Variants in C2CD5 observed in about 807,000 individuals in gnomAD.
C2CD5 encodes C2 calcium dependent domain containing 5.
A neutral mutation model predicts 130.3 loss-of-function variants in C2CD5; 109 were observed. The observed-to-expected ratio is 0.84, with a 90% CI of 0.72 to 0.98. The LOEUF (loss-of-function observed/expected upper bound fraction) is 0.98. Ranked by LOEUF, C2CD5 falls within the 50% of genes least tolerant of loss-of-function variation. The pLI is 0.00. For missense variants in C2CD5, 996 were observed against 1,261.8 expected (o/e 0.79, Z 3.19); for synonymous variants, 454 against 429.2 (o/e 1.06, Z -0.71).
At chr12:22,528,278 A>G (rs1186777631) in intron 3 of C2CD5, among the ~76,000 whole-genome samples, 3 of 152,218 alleles carry the variant, frequency 2.0e-5, no homozygotes, top group African/African-American at 7.2e-5. Flanking sequence ...GAGCACAATG[A>G]CACCACAATT....
intron 7 of C2CD5, among the ~76,000 whole-genome samples, chr12:22,518,560 T>C (rs1486106439): frequency 3.3e-5 from 5 of 152,092 alleles, no homozygotes; most frequent in Admixed American, 2.6e-4. Flanking sequence ...AAAAAAATGT[T>C]TCCTTATCCT....
chr12:22,477,736 T>C (rs1591763934), intron 15 of C2CD5, among the ~76,000 whole-genome samples: 2 of 152,266 alleles, frequency 1.3e-5, no homozygotes, highest in East Asian at 3.9e-4. Flanking sequence ...TGATACTTAT[T>C]GCAAAGTTGG....
In C2CD5 at chr12:22,458,498, C is replaced by A; in HGVS notation, c.2672G>T (p.Gly891Val). The part of the protein sequence containing the change: ...IKLKAQTIRR[G>V]SIKTTMTVEK... ...CATCCGCCTACTTGTCTTAATTGAT[C>A]CACGCCTTATGGTCTGAGCTTTCAG... The change falls in exon 24 of 27, where the codon GGA becomes GTA. Residue 891 changes from glycine to valine, a missense_variant. Physicochemically the swap from Gly to Val is moderately radical, Grantham distance 109 (BLOSUM62 -3). This residue lies in a region of C2CD5 where 590 missense variants were observed against 631.4 expected (regional missense o/e 0.93). Coordinates refer to ENST00000446597, the MANE Select transcript of C2CD5 (RefSeq NM_001286176.2). The A allele has an allele frequency of 7.8e-7, 1 of 1,274,318 alleles. No individual in the cohort carries two copies. The allele number at this position is 1,274,318 out of a possible 1,614,324, so 78.9% of individuals were successfully genotyped here.
chr12:22,512,560 G>T, intron 9 of C2CD5: 1 of 983,372 alleles, frequency 1.0e-6, no homozygotes, highest in Non-Finnish European at 1.5e-6. Flanking sequence ...CATTTGCTAA[G>T]ATTAAATAAA....
intron 4 of C2CD5, 117 bp from the exon 5 acceptor site, chr12:22,525,822 T>G (rs1045277660): frequency 1.9e-5 from 13 of 667,958 alleles, no homozygotes; most frequent in African/African-American, 1.8e-4. Context: ...ACTCACAATT[T>G]TTTGAACTTT....
chr12:22,499,612 C>T (rs1947492952), intron 10 of C2CD5, among the ~76,000 whole-genome samples: 3 of 152,172 alleles, frequency 2.0e-5, no homozygotes. Flanking sequence ...TAACTGGTCT[C>T]CCTGTCTCTA....
intron 2 of C2CD5, among the ~76,000 whole-genome samples, chr12:22,536,145 A>C (rs572677204): frequency 5.4e-5 from 8 of 148,530 alleles, no homozygotes; most frequent in Admixed American, 2.7e-4. Flanking sequence ...CTTCAGCACA[A>C]AAAAAAAAAA....
intron 15 of C2CD5, among the ~76,000 whole-genome samples, chr12:22,475,473 A>G (rs536725901): frequency 3.9e-5 from 6 of 152,112 alleles, no homozygotes; most frequent in Non-Finnish European, 8.8e-5. Flanking sequence ...ATGGTGCAAT[A>G]CTGTATGGCT....
intron 14 of C2CD5, among the ~76,000 whole-genome samples, chr12:22,481,355 T>C (rs187700006): frequency 5.9e-5 from 9 of 152,160 alleles, no homozygotes; most frequent in African/African-American, 1.9e-4. Context: ...CTCAAAAAGA[T>C]GGCAAGAGAA....
At position 22,478,837 on chromosome 12, in the gene C2CD5, C is replaced by T. The variant is rs185948485; in HGVS notation, c.1738-360G>A. Among the ~76,000 whole-genome samples, 118 of 151,050 alleles carry T rather than the reference C, an allele frequency of 7.8e-4. 1 individual carries two copies. In the East Asian group the frequency reaches 0.015, roughly 20 times the overall value. On this transcript the variant is annotated intron_variant, in intron 14 of 26. Transcript: ENST00000446597. Reference sequence around the variant, plus strand: ...CTCCAGCCTGGGCAACAGAGCAAGACTCTGTCTCAAAAAAAAGAAAAAAAG... The same window carrying T: ...CTCCAGCCTGGGCAACAGAGCAAGATTCTGTCTCAAAAAAAAGAAAAAAAG...
intron 3 of C2CD5, among the ~76,000 whole-genome samples, chr12:22,531,378 A>G (rs922173172): frequency 1.3e-5 from 2 of 152,236 alleles, no homozygotes; most frequent in Non-Finnish European, 2.9e-5. Context: ...TCCTGATTGC[A>G]AAACTCACTA....
At chr12:22,530,111 T>TATATATACAC (rs1301636778) in intron 3 of C2CD5, among the ~76,000 whole-genome samples, 8 of 87,552 alleles carry the variant, frequency 9.1e-5, no homozygotes, top group African/African-American at 1.3e-4. Flanking sequence ...TATATATATA[T>TATATATACAC]ACACACACAC....
At chr12:22,530,111 T>TATACACACAC (rs1301636778) in intron 3 of C2CD5, among the ~76,000 whole-genome samples, 12 of 87,548 alleles carry the variant, frequency 1.4e-4, no homozygotes, top group African/African-American at 6.3e-4. Flanking sequence ...TATATATATA[T>TATACACACAC]ACACACACAC....
At chr12:22,469,868 C>G (rs1220545428) in intron 21 of C2CD5, 73 bp from the exon 22 acceptor site, 1 of 851,872 alleles carries the variant, frequency 1.2e-6, no homozygotes, top group Admixed American at 3.0e-5. Context: ...GAATCTGTGA[C>G]AACATACATA....
chr12:22,523,809 T>C (rs1346725454), intron 6 of C2CD5, among the ~76,000 whole-genome samples, 185 bp from the exon 7 acceptor site: 2 of 151,094 alleles, frequency 1.3e-5, no homozygotes, highest in East Asian at 3.9e-4. Flanking sequence ...TCTATTACAA[T>C]ATAGCATAAT....
chr12:22,450,137 GACA>G (rs1461677986), intron 26 of C2CD5, among the ~76,000 whole-genome samples: 3 of 152,038 alleles, frequency 2.0e-5, no homozygotes, highest in African/African-American at 7.2e-5. Flanking sequence ...CAGTTAAAAT[GACA>G]ACGAGACACC....
chr12:22,474,047 C>T (rs1253590330), intron 16 of C2CD5, among the ~76,000 whole-genome samples: 2 of 152,120 alleles, frequency 1.3e-5, no homozygotes, highest in African/African-American at 2.4e-5. Flanking sequence ...TTTAAACCTC[C>T]AATCCCATCC....
intron 15 of C2CD5, among the ~76,000 whole-genome samples, chr12:22,475,519 C>A (rs2136224723): frequency 6.6e-6 from 1 of 152,164 alleles, no homozygotes. Flanking sequence ...CCAAAGATCA[C>A]TAGGGGTTCT....
intron 15 of C2CD5, 63 bp downstream of exon 15, chr12:22,478,250 A>G (rs1242513723): frequency 7.3e-7 from 1 of 1,376,698 alleles, no homozygotes; most frequent in Non-Finnish European, 1.0e-6. Context: ...TCAATAAGAT[A>G]ACCTAAAAAT....
Sources: allele counts gnomAD v4.1 joint callset (sites outside exome capture counted in the v4.1 genomes callset), GRCh38; gene constraint gnomAD v4.1.1; regional missense constraint gnomAD v4.1.1; transcripts MANE v1.5; gene names NCBI Gene and HGNC (gene_info 2026-07-23, HGNC 2026-07-21).